Variants in ERC1 observed in about 807,000 individuals in gnomAD.
The protein encoded by ERC1 is RAB6 interacting protein 2.
In ERC1, 56 loss-of-function variants were observed where a neutral mutation model predicts 132.0. The ratio of observed to expected loss-of-function variants is 0.42; its 90% confidence interval spans 0.34 to 0.53. The LOEUF (loss-of-function observed/expected upper bound fraction) is 0.53. Ranked by LOEUF, ERC1 falls within the 20% of genes least tolerant of loss-of-function variation. The pLI is 0.03. For missense variants in ERC1, 1,202 were observed against 1,349.9 expected, an observed-to-expected ratio of 0.89 and a Z score of 1.72; for synonymous variants, 478 against 476.1, an observed-to-expected ratio of 1.00 and a Z score of -0.05.
In ERC1 at chr12:1,022,221, A is replaced by C. The variant is rs556710895; in HGVS notation, c.-156-5527A>C. 2.6e-5 allele frequency among the ~76,000 whole-genome samples: 4 copies of C among 152,266 alleles called. No homozygotes were observed. In the South Asian group the frequency reaches 8.3e-4, roughly 32 times the overall value. ...CACAGGCTATTGTGCCTGGCCAAGA[A>C]GTACATTTTATATTGTGATCCAGTA... On this transcript the variant is annotated intron_variant, in intron 1 of 18. Coordinates refer to ENST00000360905, the MANE Select transcript of ERC1 (RefSeq NM_178040.4).
chr12:1,070,058 A>G (rs2154181240), intron 2 of ERC1, among the ~76,000 whole-genome samples: 1 of 152,302 alleles, frequency 6.6e-6, no homozygotes, highest in East Asian at 1.9e-4. Flanking sequence ...ACAGTGAGAG[A>G]GAGAGAGAGA....
At chr12:1,205,417 A>G (rs567328687) in intron 12 of ERC1, among the ~76,000 whole-genome samples, 7,160 of 150,450 alleles carry the variant, frequency 0.048, 483 homozygotes, top group African/African-American at 0.15. Flanking sequence ...GTGTGTGTAT[A>G]TATATATATA....
At chr12:1,293,042 G>C (rs2079569541) in intron 15 of ERC1, among the ~76,000 whole-genome samples, 2 of 151,934 alleles carry the variant, frequency 1.3e-5, no homozygotes, top group South Asian at 2.1e-4. Context: ...TACTCTGGAG[G>C]CTGAGGCAGG....
chr12:1,070,257 T>A (rs1188377146), intron 2 of ERC1, among the ~76,000 whole-genome samples: 1 of 152,090 alleles, frequency 6.6e-6, no homozygotes, highest in African/African-American at 2.4e-5. Flanking sequence ...TTCTTTAAAA[T>A]CATTTAAATT....
chr12:1,317,964 A>G (rs970102237), intron 15 of ERC1, among the ~76,000 whole-genome samples: 2 of 152,224 alleles, frequency 1.3e-5, no homozygotes, highest in Non-Finnish European at 2.9e-5. Context: ...TTTATGTAGC[A>G]TGTGTATATT....
rs766938583 is a variant in ERC1 at position 1,183,434 on chromosome 12, A to T, written c.2157+13A>T. On this transcript the variant is annotated intron_variant, in intron 11 of 18. Transcript: ENST00000360905. ...ACAATTGAAAAAGGTTAAAGAAAAA[A>T]TTTCACATTTTTTTGCTTTGCCTTA... is the stretch of plus-strand genomic sequence containing the variant. The T allele has an allele frequency of 4.5e-6, 7 of 1,549,750 alleles. No individual in the cohort carries two copies. The East Asian group carries it at 1.6e-4, about 35-fold the overall frequency.
upstream of ERC1, chr12:991,147 G>A (rs1314247388): frequency 2.1e-5 from 3 of 146,130 alleles, no homozygotes; most frequent in Non-Finnish European, 3.0e-5. Flanking sequence ...GGAGCCCGGG[G>A]AGGCGCGCTG....
intron 3 of ERC1, among the ~76,000 whole-genome samples, chr12:1,098,698 T>A (rs1944331956): frequency 6.6e-6 from 1 of 152,208 alleles, no homozygotes; most frequent in Non-Finnish European, 1.5e-5. Context: ...GAGTTGCCTG[T>A]TAGACATCTA....
intron 7 of ERC1, among the ~76,000 whole-genome samples, chr12:1,124,486 G>GA (rs1593491805): frequency 6.6e-6 from 1 of 151,976 alleles, no homozygotes. Context: ...AACATAATTA[G>GA]AAAAAAATCT....
chr12:1,489,956 ACTTTT>A (rs1335345705), intron 18 of ERC1, 132 bp from the exon 19 acceptor site: 57 of 1,004,678 alleles, frequency 5.7e-5, no homozygotes, highest in Non-Finnish European at 1.0e-5. Flanking sequence ...TTGCTTTTAC[ACTTTT>A]CTTATGGTTA....
intron 17 of ERC1, among the ~76,000 whole-genome samples, chr12:1,440,354 G>T (rs112722538): frequency 8.7e-5 from 13 of 148,622 alleles, no homozygotes; most frequent in Admixed American, 2.7e-4. Context: ...ACAGACGCCC[G>T]CCACCACGCC....
intron 1 of ERC1, among the ~76,000 whole-genome samples, chr12:1,025,436 A>G (rs1966847346): frequency 6.6e-6 from 1 of 152,172 alleles, no homozygotes; most frequent in African/African-American, 2.4e-5. Flanking sequence ...AATTTTATTT[A>G]CAGCATTTTT....
chr12:1,274,581 C>T (rs1189747859), intron 14 of ERC1, among the ~76,000 whole-genome samples: 2 of 152,020 alleles, frequency 1.3e-5, no homozygotes, highest in African/African-American at 2.4e-5. Flanking sequence ...CAACCTCCAT[C>T]TCCCAGGTTC....
At chr12:1,243,597 A>C (rs577404161) in intron 13 of ERC1, among the ~76,000 whole-genome samples, 1 of 152,274 alleles carries the variant, frequency 6.6e-6, no homozygotes, top group Admixed American at 6.5e-5. Flanking sequence ...TTTTGTGAGA[A>C]ATTTGCCTCG....
At chr12:1,359,478 C>T (rs763058491) in intron 15 of ERC1, among the ~76,000 whole-genome samples, 1 of 152,010 alleles carries the variant, frequency 6.6e-6, no homozygotes, top group Non-Finnish European at 1.5e-5. Context: ...AGCAAGGAAC[C>T]GACACCTGGC....
intron 18 of ERC1, among the ~76,000 whole-genome samples, chr12:1,470,547 C>T (rs1483089699): frequency 2.0e-5 from 3 of 151,726 alleles, no homozygotes. Flanking sequence ...GCTGTGTCTG[C>T]GATTCCCAGA....
chr12:1,084,253 T>C (rs892857934), intron 3 of ERC1, among the ~76,000 whole-genome samples: 1 of 152,256 alleles, frequency 6.6e-6, no homozygotes, highest in Admixed American at 6.5e-5. Context: ...AAAAAATTAA[T>C]AGCCATAATA....
At chr12:1,466,933 C>T (rs2093754996) in intron 18 of ERC1, among the ~76,000 whole-genome samples, 1 of 152,150 alleles carries the variant, frequency 6.6e-6, no homozygotes, top group Non-Finnish European at 1.5e-5. Context: ...ACCACCTAGG[C>T]ACAAAAGGAA....
At chr12:1,182,838 A>AT (rs11365396) in intron 10 of ERC1, among the ~76,000 whole-genome samples, 4 of 151,248 alleles carry the variant, frequency 2.6e-5, no homozygotes, top group Admixed American at 1.3e-4. Context: ...AGTTAAAAAA[A>AT]TTTTTTTTTG....
Sources: gnomAD v4.1 joint callset for allele counts (sites outside exome capture counted in the v4.1 genomes callset) on GRCh38, gnomAD v4.1.1 for gene constraint, MANE v1.5 for transcripts, NCBI Gene and HGNC (gene_info 2026-07-23, HGNC 2026-07-21) for gene names.